DNAAF4: variants seen among roughly 807,000 people sequenced by gnomAD.
DNAAF4 encodes the protein dynein axonemal assembly factor 4.
Under a neutral mutation model 51.8 loss-of-function variants are expected in DNAAF4, and 43 were observed. That is an observed-to-expected ratio of 0.83 (90% CI 0.65 to 1.07). The LOEUF is 1.07. Ranked by LOEUF, DNAAF4 falls within the 50% of genes least tolerant of loss-of-function variation. The pLI, the probability that DNAAF4 is intolerant of heterozygous loss-of-function variation, is 0.00. For synonymous variants in DNAAF4, 194 were observed against 165.6 expected (o/e 1.17, Z -1.32); for missense variants, 581 against 493.0 (o/e 1.18, Z -1.69).
chr15:55,480,213 T>C (rs551790392), intron 4 of DNAAF4, among the ~76,000 whole-genome samples: 1 of 152,300 alleles, frequency 6.6e-6, no homozygotes, highest in South Asian at 2.1e-4. Context: ...CGATATGTGA[T>C]GTCACCCCCG....
In DNAAF4 at chr15:55,418,056, G is replaced by A. The variant is rs753094976; in HGVS notation, c.1125C>T (p.His375=). The change falls in exon 8 of 8, where the codon CAC becomes CAT. Residue 375 remains histidine, a synonymous_variant. Transcript: ENST00000448430. ...TGCTTCAGGCCATCTGGATGTATACGTGCAGGTCACTAGGGATATGATGGC... is the reference window on the plus strand; with the variant it reads ...TGCTTCAGGCCATCTGGATGTATACATGCAGGTCACTAGGGATATGATGGC... The A allele has an allele frequency of 5.0e-6, 7 of 1,410,200 alleles. No individual in the cohort carries two copies. The South Asian group carries it at 7.8e-5, about 16-fold the overall frequency. The allele number at this position is 1,410,200 out of a possible 1,614,324, so 87.4% of individuals were successfully genotyped here.
chr15:55,430,686 G>T lies in DNAAF4; in HGVS notation c.1247C>A (p.Thr416Lys). The T allele has an allele frequency of 6.2e-7, 1 of 1,612,530 alleles. No individual in the cohort carries two copies. The highest frequency in any genetic ancestry group is 1.7e-4 in the Middle Eastern group (1 of 6,010). ...TAATAGTCATTAAGATTTTAGTTCT[G>T]TTCCTTGAATTACATTCCGAATCTT... ...AEKIRNVIQGTELKS is the reference protein window; with the variant it reads ...AEKIRNVIQGKELKS The change falls in exon 10 of 10, where the codon ACA becomes AAA. Residue 416 changes from threonine (T) to lysine (K), a missense_variant. Coordinates refer to ENST00000321149, the MANE Select transcript of DNAAF4 (RefSeq NM_130810.4).
chr15:55,469,703 G>A lies in DNAAF4; in HGVS notation c.406-2542C>T, dbSNP rs187376857. ...GACGGGGTTTCACTGTGTTAGCCAGGATGGTCTCGATCTCCTGACCTCGTG... is the reference window on the plus strand; with the variant it reads ...GACGGGGTTTCACTGTGTTAGCCAGAATGGTCTCGATCTCCTGACCTCGTG... On this transcript the variant is annotated intron_variant, in intron 4 of 9. Transcript: ENST00000321149. Among the ~76,000 whole-genome samples, 440 of 151,528 alleles carry A rather than the reference G, an allele frequency of 2.9e-3. 3 individuals are homozygous for A. The highest frequency in any genetic ancestry group is 0.018 in the South Asian group (86 of 4,762).
intron 8 of DNAAF4, among the ~76,000 whole-genome samples, chr15:55,433,054 C>A (rs1360697770): frequency 6.6e-6 from 1 of 152,074 alleles, no homozygotes; most frequent in Non-Finnish European, 1.5e-5. Flanking sequence ...AATTCCAGCA[C>A]TTTCGGAGGC....
rs887861023 is a variant in DNAAF4, at chr15:55,497,870, G to A, written c.124-11C>T. 1.3e-6 allele frequency: 2 copies of A among 1,584,548 alleles called. No individual in the cohort carries two copies. Among genetic ancestry groups the A allele is most frequent in the South Asian group, 1.2e-5 (1 of 85,536 alleles). On this transcript the variant is annotated splice_polypyrimidine_tract_variant and intron_variant, in intron 2 of 9. Coordinates refer to ENST00000321149, the MANE Select transcript of DNAAF4 (RefSeq NM_130810.4). ...TGGAGGAAAGTTGACCTATGCAGAA[G>A]GGTGAAAACAGAAACTAAGTTAGTT...
Position 55,483,726 on chromosome 15 carries a change from G to C in DNAAF4, c.405+7397C>G, listed in dbSNP as rs576329098. 2.0e-5 allele frequency among the ~76,000 whole-genome samples: 3 copies of C among 146,520 alleles called. No individual in the cohort carries two copies. In the East Asian group the frequency reaches 6.9e-4, roughly 34 times the overall value. On this transcript the variant is annotated intron_variant, in intron 4 of 9. Transcript: ENST00000321149. ...CGGCTAATTTTTTGTATTTTTAGTAGAGATGGGCCAGGCTGGTCTCGGATT... is the reference window on the plus strand; with the variant it reads ...CGGCTAATTTTTTGTATTTTTAGTACAGATGGGCCAGGCTGGTCTCGGATT...
intron 7 of DNAAF4, among the ~76,000 whole-genome samples, chr15:55,424,620 T>A (rs573994717): frequency 6.6e-6 from 1 of 152,338 alleles, no homozygotes; most frequent in South Asian, 2.1e-4. Flanking sequence ...TAGAGTGCAG[T>A]GGCACGATCT....
chr15:55,457,478 T>G (rs1374171191), intron 5 of DNAAF4, among the ~76,000 whole-genome samples: 1 of 152,116 alleles, frequency 6.6e-6, no homozygotes, highest in Non-Finnish European at 1.5e-5. Context: ...CTACCTGCTC[T>G]ATGGCCCTGC....
At chr15:55,435,691 G>T (rs560415746) in intron 7 of DNAAF4, among the ~76,000 whole-genome samples, 1 of 152,214 alleles carries the variant, frequency 6.6e-6, no homozygotes, top group African/African-American at 2.4e-5. Context: ...ACTTGCAATG[G>T]ATATACTCTT....
At chr15:55,442,574 G>A (rs1351664694) in intron 6 of DNAAF4, 8 of 1,118,650 alleles carry the variant, frequency 7.2e-6, no homozygotes, top group African/African-American at 1.5e-5. Flanking sequence ...CAGAGTATTC[G>A]GGGGACAACT....
chr15:55,481,981 G>A (rs1346877723), intron 4 of DNAAF4, among the ~76,000 whole-genome samples: 1 of 152,168 alleles, frequency 6.6e-6, no homozygotes, highest in African/African-American at 2.4e-5. Context: ...ACCCAGGAAT[G>A]CTACCAAATT....
At chr15:55,455,555 C>T (rs1159926356) in intron 5 of DNAAF4, among the ~76,000 whole-genome samples, 2 of 151,914 alleles carry the variant, frequency 1.3e-5, no homozygotes, top group African/African-American at 2.4e-5. Flanking sequence ...CCTCAGCCTC[C>T]TGAGTAACTG....
At chr15:55,435,213 T>C (rs539615453) in intron 7 of DNAAF4, among the ~76,000 whole-genome samples, 155 bp from the exon 8 acceptor site, 4 of 152,294 alleles carry the variant, frequency 2.6e-5, no homozygotes, top group African/African-American at 9.6e-5. Context: ...TCTTTTCACA[T>C]ATACCAGCCT....
At chr15:55,434,028 A>AAT (rs1171654263) in intron 8 of DNAAF4, among the ~76,000 whole-genome samples, 106 of 43,468 alleles carry the variant, frequency 2.4e-3, no homozygotes, top group East Asian at 0.018. Context: ...TCTTATATAT[A>AAT]ATATATATTA....
At chr15:55,474,258 G>A (rs1430091031) in intron 4 of DNAAF4, among the ~76,000 whole-genome samples, 1 of 152,254 alleles carries the variant, frequency 6.6e-6, no homozygotes, top group Admixed American at 6.5e-5. Flanking sequence ...TCAACTAGCT[G>A]GGCGCGATGG....
chr15:55,461,877 T>C (rs746932505), intron 5 of DNAAF4, among the ~76,000 whole-genome samples: 41 of 152,130 alleles, frequency 2.7e-4, no homozygotes, highest in Admixed American at 1.3e-3. Context: ...ACAAAACTGA[T>C]AGACCATTAG....
intron 1 of DNAAF4, among the ~76,000 whole-genome samples, chr15:55,501,874 C>G (rs1045632228): frequency 5.9e-5 from 9 of 151,782 alleles, no homozygotes; most frequent in African/African-American, 7.3e-5. Context: ...GAAACCCCAT[C>G]TCTATTAAAA....
intron 8 of DNAAF4, among the ~76,000 whole-genome samples, chr15:55,433,659 C>T (rs2057534825): frequency 7.1e-6 from 1 of 140,980 alleles, no homozygotes; most frequent in African/African-American, 2.6e-5. Flanking sequence ...CTCAAGCACT[C>T]ACCTAAATTT....
intron 6 of DNAAF4, among the ~76,000 whole-genome samples, chr15:55,449,010 GAC>G (rs1301516730): frequency 1.4e-5 from 2 of 144,838 alleles, no homozygotes; most frequent in East Asian, 4.1e-4. Flanking sequence ...TTTTTTTTGA[GAC>G]AGAGTTTCAC....
Sources: allele counts gnomAD v4.1 joint callset (sites outside exome capture counted in the v4.1 genomes callset), GRCh38; gene constraint gnomAD v4.1.1; transcripts MANE v1.5; gene names NCBI Gene and HGNC (gene_info 2026-07-23, HGNC 2026-07-21).